Variants in DAB1 observed in about 807,000 individuals in gnomAD.
DAB1 encodes DAB adaptor protein 1.
DAB1 carries 15 observed loss-of-function variants against 64.6 expected under a neutral mutation model. That is an observed-to-expected ratio of 0.23 (90% CI 0.16 to 0.36). The LOEUF (loss-of-function observed/expected upper bound fraction) is 0.36. DAB1 is among the 10% of genes least tolerant of loss of function. The probability of loss-of-function intolerance (pLI) is 1.00; values close to 1 mark genes in which losing one functional copy is unlikely to be tolerated. For missense variants in DAB1, 596 were observed against 706.7 expected, an observed-to-expected ratio of 0.84 and a Z score of 1.78; for synonymous variants, 235 against 251.9, an observed-to-expected ratio of 0.93 and a Z score of 0.64.
intron 6 of DAB1, among the ~76,000 whole-genome samples, chr1:57,708,827 G>A (rs1307892970): frequency 1.3e-5 from 2 of 152,070 alleles, no homozygotes; most frequent in African/African-American, 2.4e-5. Flanking sequence ...TGCAATGCAA[G>A]ACCGTCTTTC....
chr1:57,477,379 C>T (rs2101225583), intron 7 of DAB1, among the ~76,000 whole-genome samples: 1 of 152,204 alleles, frequency 6.6e-6, no homozygotes, highest in Middle Eastern at 3.4e-3. Context: ...CACCCCACCC[C>T]ATTCTATTCT....
chr1:57,576,856 T>C (rs1337176718), intron 7 of DAB1, among the ~76,000 whole-genome samples: 1 of 152,320 alleles, frequency 6.6e-6, no homozygotes, highest in East Asian at 1.9e-4. Flanking sequence ...TAGCTTCCTA[T>C]GAGCAATATA....
At chr1:57,529,051 A>G (rs570690839) in intron 7 of DAB1, among the ~76,000 whole-genome samples, 38 of 152,268 alleles carry the variant, frequency 2.5e-4, no homozygotes, top group African/African-American at 8.9e-4. Flanking sequence ...ATGTAGAAGT[A>G]AAATACATGA....
chr1:57,571,923 G>A (rs897999229), intron 7 of DAB1, among the ~76,000 whole-genome samples: 1 of 152,156 alleles, frequency 6.6e-6, no homozygotes, highest in Non-Finnish European at 1.5e-5. Flanking sequence ...TCCTCATGGG[G>A]TGATCTGGAG....
chr1:57,945,719 T>C (rs1482451620), intron 5 of DAB1, among the ~76,000 whole-genome samples: 1 of 152,190 alleles, frequency 6.6e-6, no homozygotes. Flanking sequence ...GGCATATACA[T>C]ACCTGCATAT....
chr1:57,282,875 C>A (rs1672024352), intron 2 of DAB1, among the ~76,000 whole-genome samples: 1 of 152,228 alleles, frequency 6.6e-6, no homozygotes, highest in Non-Finnish European at 1.5e-5. Context: ...CAAGACAGAA[C>A]AGCACCATAA....
intron 14 of DAB1, among the ~76,000 whole-genome samples, chr1:57,004,654 C>T (rs1449820247): frequency 6.6e-6 from 1 of 152,174 alleles, no homozygotes; most frequent in Non-Finnish European, 1.5e-5. Context: ...AAACTTAGGA[C>T]TAGCTCAGTG....
At chr1:57,114,782 G>A (rs1017101316) in intron 4 of DAB1, among the ~76,000 whole-genome samples, 1 of 152,164 alleles carries the variant, frequency 6.6e-6, no homozygotes, top group Non-Finnish European at 1.5e-5. Context: ...TTTGGAGTGA[G>A]ACTAAAATCA....
At chr1:58,406,196 C>T (rs1401799281) in intron 3 of DAB1, among the ~76,000 whole-genome samples, 2 of 152,192 alleles carry the variant, frequency 1.3e-5, no homozygotes, top group Admixed American at 6.5e-5. Context: ...CTTCTGAATG[C>T]TCACTCCCTC....
At chr1:57,021,816 A>G (rs1267303643) in intron 11 of DAB1, among the ~76,000 whole-genome samples, 6 of 152,092 alleles carry the variant, frequency 3.9e-5, no homozygotes, top group African/African-American at 7.2e-5. Context: ...TGGGGGACCA[A>G]GTCATTCCTC....
At chr1:57,452,933 AAAAG>A (rs1686445620) in intron 7 of DAB1, among the ~76,000 whole-genome samples, 1 of 151,844 alleles carries the variant, frequency 6.6e-6, no homozygotes, top group Non-Finnish European at 1.5e-5. Flanking sequence ...AATGAAGGAA[AAAAG>A]AAAAAAGGAA....
chr1:57,566,948 C>A (rs941977439), intron 7 of DAB1, among the ~76,000 whole-genome samples: 2 of 152,148 alleles, frequency 1.3e-5, no homozygotes, highest in African/African-American at 4.8e-5. Flanking sequence ...CATCCTGATA[C>A]CAAAGCCTGG....
At chr1:58,155,098 C>G (rs1286463758) in intron 4 of DAB1, among the ~76,000 whole-genome samples, 1 of 152,180 alleles carries the variant, frequency 6.6e-6, no homozygotes, top group Non-Finnish European at 1.5e-5. Context: ...TCAGGGCCGG[C>G]CCAGACCTCT....
chr1:57,853,197 G>A (rs1653610142), intron 1 of DAB1, among the ~76,000 whole-genome samples: 1 of 151,140 alleles, frequency 6.6e-6, no homozygotes. Context: ...TAGAAGCTTA[G>A]AAAAGGGTTA....
intron 4 of DAB1, among the ~76,000 whole-genome samples, chr1:58,172,317 G>C (rs1656219347): frequency 6.6e-6 from 1 of 152,218 alleles, no homozygotes; most frequent in Admixed American, 6.5e-5. Flanking sequence ...AATTGATGTA[G>C]TAGCAAAATG....
At chr1:57,325,106 A>G (rs1357551019) in intron 1 of DAB1, among the ~76,000 whole-genome samples, 2 of 152,224 alleles carry the variant, frequency 1.3e-5, no homozygotes, top group Admixed American at 1.3e-4. Flanking sequence ...TTACTTTGCA[A>G]TGAAGCCACT....
chr1:57,157,991 C>G (rs901781387), intron 2 of DAB1, among the ~76,000 whole-genome samples: 1 of 152,136 alleles, frequency 6.6e-6, no homozygotes, highest in African/African-American at 2.4e-5. Flanking sequence ...GCTGCCTAAC[C>G]CTTTGAGGTC....
chr1:58,395,243 A>G (rs978628548), intron 3 of DAB1, among the ~76,000 whole-genome samples: 2 of 152,200 alleles, frequency 1.3e-5, no homozygotes, highest in Non-Finnish European at 2.9e-5. Flanking sequence ...GCCCTTACCA[A>G]TGCATAAGGG....
chr1:57,116,215 G>T (rs1656090808), intron 4 of DAB1, among the ~76,000 whole-genome samples: 2 of 151,584 alleles, frequency 1.3e-5, no homozygotes. Context: ...TGTAATCCCA[G>T]CACTTTGGGA....
Sources: gnomAD v4.1 joint callset for allele counts (sites outside exome capture counted in the v4.1 genomes callset) on GRCh38, gnomAD v4.1.1 for gene constraint, MANE v1.5 for transcripts, NCBI Gene and HGNC (gene_info 2026-07-23, HGNC 2026-07-21) for gene names.